Variants in PAH observed in about 807,000 individuals in gnomAD.
The protein encoded by PAH is phenylalanine-4-hydroxylase.
PAH carries 64 observed loss-of-function variants against 62.0 expected under a neutral mutation model. The observed-to-expected ratio is 1.03, with a 90% CI of 0.84 to 1.27. PAH has a LOEUF of 1.27. Ranked by LOEUF, PAH falls within the 50% of genes most tolerant of loss-of-function variation. The probability of loss-of-function intolerance (pLI) is 0.00; values close to 1 mark genes in which losing one functional copy is unlikely to be tolerated. For synonymous variants in PAH, 195 were observed against 196.2 expected, an observed-to-expected ratio of 0.99 and a Z score of 0.05; for missense variants, 579 against 542.8, an observed-to-expected ratio of 1.07 and a Z score of -0.66.
At chr12:102,925,637 A>G (rs73393533) in intron 1 of PAH, among the ~76,000 whole-genome samples, 4,815 of 152,130 alleles carry the variant, frequency 0.032, 265 homozygotes, top group African/African-American at 0.11. Flanking sequence ...AGTCAGCATG[A>G]CTCACGAACT....
intron 1 of PAH, chr12:102,950,192 A>G (rs1879686299): frequency 6.6e-6 from 1 of 152,258 alleles, no homozygotes; most frequent in Non-Finnish European, 1.5e-5. Flanking sequence ...ATCTACTATT[A>G]GAAATCCTTC....
At chr12:102,924,317 C>T (rs758918162) in intron 1 of PAH, among the ~76,000 whole-genome samples, 3 of 152,070 alleles carry the variant, frequency 2.0e-5, no homozygotes, top group Non-Finnish European at 4.4e-5. Context: ...AAAAACAAAA[C>T]AATCACATTC....
intron 5 of PAH, among the ~76,000 whole-genome samples, chr12:102,857,829 A>G (rs1190597689): frequency 1.3e-5 from 2 of 152,202 alleles, no homozygotes; most frequent in African/African-American, 4.8e-5. Flanking sequence ...AGGAAGCACT[A>G]AACATGGAAA....
chr12:102,903,852 G>C (rs1358384689), intron 2 of PAH, among the ~76,000 whole-genome samples: 4 of 151,998 alleles, frequency 2.6e-5, no homozygotes, highest in Non-Finnish European at 1.5e-5. Flanking sequence ...CCCTTCCCTA[G>C]AGAATATGTG....
intron 8 of PAH, 36 bp from the exon 9 acceptor site, chr12:102,846,987 T>A (rs779796741): frequency 4.7e-5 from 74 of 1,585,528 alleles, no homozygotes. Flanking sequence ...GTTCTGTTCC[T>A]GTAATTGGAA....
At chr12:102,942,835 A>C (rs577726725) in intron 1 of PAH, among the ~76,000 whole-genome samples, 1 of 152,328 alleles carries the variant, frequency 6.6e-6, no homozygotes, top group South Asian at 2.1e-4. Context: ...CTACTCAATA[A>C]ATGGTGCTGG....
intron 1 of PAH, among the ~76,000 whole-genome samples, chr12:102,939,538 C>G (rs1449452639): frequency 3.9e-5 from 6 of 152,152 alleles, no homozygotes; most frequent in African/African-American, 1.4e-4. Flanking sequence ...CCTGCCCTTG[C>G]TGCTCTTGGG....
At position 102,949,165 on chromosome 12, in the gene PAH, A is replaced by G. The variant is rs1053523378; in HGVS notation, c.-96+1424T>C. On this transcript the variant is annotated intron_variant, in intron 1 of 3. Transcript: ENST00000546844. ...GCTGTCGGCGACAATGGTGAGTTTC[A>G]TCCGTTTGCATGTGCATCCTGAGGT... Among the ~76,000 whole-genome samples, 5 of 152,248 alleles carry G rather than the reference A, an allele frequency of 3.3e-5. No homozygotes were observed. In the East Asian group the frequency reaches 9.7e-4, roughly 29 times the overall value.
intron 1 of PAH, chr12:102,913,870 C>A: frequency 1.4e-6 from 1 of 701,340 alleles, no homozygotes; most frequent in Non-Finnish European, 2.6e-6. Context: ...AAATCATTAG[C>A]CTAAGTCGAA....
At chr12:102,842,402 T>C (rs1453470777) in intron 11 of PAH, among the ~76,000 whole-genome samples, 1 of 152,146 alleles carries the variant, frequency 6.6e-6, no homozygotes, top group Non-Finnish European at 1.5e-5. Context: ...TGGGCCAGCA[T>C]TTTACCTTTA....
intron 1 of PAH, among the ~76,000 whole-genome samples, chr12:102,932,212 C>G (rs112606767): frequency 0.032 from 4,815 of 152,066 alleles, 259 homozygotes; most frequent in African/African-American, 0.11. Flanking sequence ...CCCAACCATC[C>G]CAAACCCTAG....
chr12:102,861,142 A>AAAAC (rs767507506), intron 5 of PAH, among the ~76,000 whole-genome samples: 1 of 151,398 alleles, frequency 6.6e-6, no homozygotes, highest in Non-Finnish European at 1.5e-5. Flanking sequence ...TTACAAGAAA[A>AAAAC]AAACAACCCC....
intron 1 of PAH, chr12:102,950,207 C>T (rs911189671): frequency 7.2e-5 from 11 of 152,238 alleles, no homozygotes; most frequent in African/African-American, 2.7e-4. Context: ...TCCTTCTCTT[C>T]CTCTCTCTTC....
intron 7 of PAH, chr12:102,852,169 A>G: frequency 4.5e-6 from 1 of 224,642 alleles, no homozygotes; most frequent in Non-Finnish European, 8.9e-6. Flanking sequence ...GGGAACTAAA[A>G]CAAAAACAGT....
intron 10 of PAH, 134 bp downstream of exon 10, chr12:102,844,202 A>C: frequency 1.4e-6 from 1 of 712,268 alleles, no homozygotes; most frequent in Non-Finnish European, 2.5e-6. Flanking sequence ...TAAGGTACCA[A>C]TCACTGGAGA....
chr12:102,859,686 T>C (rs912115833), intron 5 of PAH, among the ~76,000 whole-genome samples: 1 of 152,166 alleles, frequency 6.6e-6, no homozygotes, highest in African/African-American at 2.4e-5. Flanking sequence ...AATCAATAAA[T>C]GTAATCCAGC....
intron 3 of PAH, 139 bp from the exon 4 acceptor site, chr12:102,877,689 G>A (rs190078756): frequency 1.5e-5 from 11 of 716,360 alleles, no homozygotes; most frequent in Admixed American, 4.0e-5. Context: ...AATTACTATC[G>A]TTCAAAAGTT....
intron 1 of PAH, among the ~76,000 whole-genome samples, chr12:102,927,657 CA>C (rs896566939): frequency 1.5e-4 from 22 of 149,548 alleles, no homozygotes; most frequent in South Asian, 4.2e-4. Context: ...GCTGCAGCCA[CA>C]AAAAAAAATT....
At chr12:102,877,334 TAGGAAC>T (rs1876609801) in intron 4 of PAH, 122 bp downstream of exon 4, 2 of 797,192 alleles carry the variant, frequency 2.5e-6, no homozygotes, top group African/African-American at 3.4e-5. Flanking sequence ...CTCGTGTAAA[TAGGAAC>T]ACAATAAGTG....
Sources: gnomAD v4.1 joint callset for allele counts (sites outside exome capture counted in the v4.1 genomes callset) on GRCh38, gnomAD v4.1.1 for gene constraint, MANE v1.5 for transcripts, NCBI Gene and HGNC (gene_info 2026-07-23, HGNC 2026-07-21) for gene names.